The following VPS41 variants were observed in gnomAD, a reference collection of about 807,000 sequenced individuals.
The protein encoded by VPS41 is VPS41 subunit of HOPS complex, also known as vacuolar protein sorting-associated protein 41 homolog.
VPS41 carries 85 observed loss-of-function variants against 130.9 expected under a neutral mutation model. The observed-to-expected ratio is 0.65, with a 90% CI of 0.55 to 0.78. The LOEUF (loss-of-function observed/expected upper bound fraction) is 0.78. VPS41 is among the 30% of genes least tolerant of loss of function. The probability of loss-of-function intolerance (pLI) is 0.00; values close to 1 mark genes in which losing one functional copy is unlikely to be tolerated. For synonymous variants in VPS41, 335 were observed against 332.9 expected, an observed-to-expected ratio of 1.01 and a Z score of -0.07; for missense variants, 874 against 1,018.7, an observed-to-expected ratio of 0.86 and a Z score of 1.93.
At chr7:38,874,615 A>G (rs547558411) in intron 2 of VPS41, among the ~76,000 whole-genome samples, 1 of 152,318 alleles carries the variant, frequency 6.6e-6, no homozygotes, top group African/African-American at 2.4e-5. Context: ...TAAATATCCA[A>G]TGTTTTAAAG....
At chr7:38,850,178 C>A (rs562287319) in intron 4 of VPS41, among the ~76,000 whole-genome samples, 2 of 152,362 alleles carry the variant, frequency 1.3e-5, no homozygotes, top group South Asian at 2.1e-4. Flanking sequence ...CCTGTCCCAG[C>A]ACCAGGATCT....
intron 10 of VPS41, among the ~76,000 whole-genome samples, chr7:38,781,403 T>C (rs548845562): frequency 6.6e-6 from 1 of 152,330 alleles, no homozygotes; most frequent in African/African-American, 2.4e-5. Context: ...AGTCCAATAA[T>C]TTCATTAGAA....
At chr7:38,769,763 G>GT (rs1489455009) in intron 14 of VPS41, among the ~76,000 whole-genome samples, 1 of 152,126 alleles carries the variant, frequency 6.6e-6, no homozygotes, top group Non-Finnish European at 1.5e-5. Flanking sequence ...TTGATTCTGT[G>GT]TAAGTCTCAT....
At chr7:38,818,262 A>AG (rs397807201) in intron 6 of VPS41, among the ~76,000 whole-genome samples, 2 of 151,222 alleles carry the variant, frequency 1.3e-5, no homozygotes, top group African/African-American at 4.9e-5. Context: ...AAAAAAAAAA[A>AG]CAGAAAGAAG....
intron 2 of VPS41, 97 bp downstream of exon 2, chr7:38,897,994 C>T: frequency 2.6e-6 from 3 of 1,169,914 alleles, no homozygotes; most frequent in Non-Finnish European, 3.8e-6. Flanking sequence ...GCTTTACACC[C>T]TCAGCCCCTG....
intron 15 of VPS41, among the ~76,000 whole-genome samples, chr7:38,766,104 T>C (rs761745250): frequency 1.8e-4 from 27 of 152,210 alleles, no homozygotes; most frequent in Non-Finnish European, 3.7e-4. Context: ...TAGAATCCTA[T>C]CCTACTATAT....
At chr7:38,879,332 G>A (rs1786553613) in intron 2 of VPS41, among the ~76,000 whole-genome samples, 1 of 152,144 alleles carries the variant, frequency 6.6e-6, no homozygotes, top group Non-Finnish European at 1.5e-5. Flanking sequence ...GGACTGGCCG[G>A]CTGCATTCAC....
intron 10 of VPS41, among the ~76,000 whole-genome samples, chr7:38,779,320 T>C (rs1210954498): frequency 1.3e-5 from 2 of 152,184 alleles, no homozygotes; most frequent in African/African-American, 4.8e-5. Context: ...AAACTGAAAC[T>C]AAATTATGTC....
chr7:38,875,705 G>A (rs1351857973), intron 2 of VPS41, among the ~76,000 whole-genome samples: 1 of 152,162 alleles, frequency 6.6e-6, no homozygotes, highest in African/African-American at 2.4e-5. Flanking sequence ...AAAGTGACAT[G>A]AAGATAATGG....
intron 10 of VPS41, among the ~76,000 whole-genome samples, chr7:38,786,390 A>G (rs923832920): frequency 2.0e-5 from 3 of 152,156 alleles, no homozygotes; most frequent in Admixed American, 6.5e-5. Flanking sequence ...GGAACAATAT[A>G]TATTTGTTAC....
chr7:38,875,621 G>A (rs991849067), intron 2 of VPS41, among the ~76,000 whole-genome samples: 1 of 152,142 alleles, frequency 6.6e-6, no homozygotes, highest in Non-Finnish European at 1.5e-5. Flanking sequence ...ACATAAACAA[G>A]CTGAAAGAGT....
At chr7:38,795,870 T>G (rs756339201) in intron 8 of VPS41, among the ~76,000 whole-genome samples, 1 of 152,170 alleles carries the variant, frequency 6.6e-6, no homozygotes, top group East Asian at 1.9e-4. Context: ...AAACATGAAA[T>G]GTACAAACAT....
In VPS41 at chr7:38,836,254, T is replaced by G. The variant is rs189577103; in HGVS notation, c.247-5926A>C. ...TGATCTACTTTTATCTTATTCGCAA[T>G]TACCTTTAAATTATTATAAATTATA... On this transcript the variant is annotated intron_variant, in intron 4 of 28. Transcript: ENST00000310301. 7.2e-5 allele frequency among the ~76,000 whole-genome samples: 11 copies of G among 152,190 alleles called. No individual in the cohort carries two copies. In the East Asian group the frequency reaches 2.1e-3, roughly 29 times the overall value.
chr7:38,866,396 T>C (rs1428889968), intron 3 of VPS41, among the ~76,000 whole-genome samples: 1 of 152,110 alleles, frequency 6.6e-6, no homozygotes, highest in East Asian at 1.9e-4. Context: ...GTGGAGGCAG[T>C]AGAAGATAAG....
At chr7:38,821,523 A>G (rs1174428773) in intron 5 of VPS41, among the ~76,000 whole-genome samples, 4 of 152,132 alleles carry the variant, frequency 2.6e-5, no homozygotes, top group Non-Finnish European at 4.4e-5. Flanking sequence ...ACCCTGACCA[A>G]TATGGTGAAA....
Position 38,779,519 on chromosome 7 carries a change from CA to C in VPS41, c.785-2744del, listed in dbSNP as rs1290921327. Reference sequence around the variant, plus strand: ...AATACCCACTGGTAATGATATCATGCAAAAAAGAACTCACTTCTAATGTGAG... The same window carrying C: ...AATACCCACTGGTAATGATATCATGCAAAAAGAACTCACTTCTAATGTGAG... On this transcript the variant is annotated intron_variant, in intron 10 of 28. Coordinates refer to ENST00000310301, the MANE Select transcript of VPS41 (RefSeq NM_014396.4). 2.6e-5 allele frequency among the ~76,000 whole-genome samples: 4 copies of C among 152,116 alleles called. No individual in the cohort carries two copies. In the South Asian group the frequency reaches 8.3e-4, roughly 32 times the overall value.
intron 25 of VPS41, among the ~76,000 whole-genome samples, chr7:38,733,248 T>C (rs1795702848): frequency 6.6e-6 from 1 of 152,228 alleles, no homozygotes; most frequent in Admixed American, 6.5e-5. Flanking sequence ...TCTATTCTAT[T>C]TGCTTGAGTA....
At chr7:38,894,718 T>C (rs897168725) in intron 2 of VPS41, among the ~76,000 whole-genome samples, 1 of 152,024 alleles carries the variant, frequency 6.6e-6, no homozygotes. Flanking sequence ...GCCCAGGTCA[T>C]ACAAAAAGCA....
chr7:38,904,940 T>TAATTAGGAAGATTAGGTATCAAA (rs1562631491), intron 1 of VPS41, among the ~76,000 whole-genome samples: 1 of 152,120 alleles, frequency 6.6e-6, no homozygotes, highest in Non-Finnish European at 1.5e-5. Context: ...AAAGGGTACC[T>TAATTAGGAAGATTAGGTATCAAA]GGGGAGCAGG....
Sources: gnomAD v4.1 joint callset for allele counts (sites outside exome capture counted in the v4.1 genomes callset) on GRCh38, gnomAD v4.1.1 for gene constraint, MANE v1.5 for transcripts, NCBI Gene and HGNC (gene_info 2026-07-23, HGNC 2026-07-21) for gene names.